Variants in PACRG observed in about 807,000 individuals in gnomAD.
The protein encoded by PACRG is parkin coregulated gene protein.
A neutral mutation model predicts 29.7 loss-of-function variants in PACRG; 29 were observed. That is an observed-to-expected ratio of 0.98 (90% CI 0.73 to 1.33). The LOEUF (loss-of-function observed/expected upper bound fraction) is 1.33, where lower values mean the gene tolerates loss of function less well. Among genes scored for constraint, PACRG ranks in the 40% most tolerant of loss-of-function variants. PACRG has a pLI of 0.00. For missense variants in PACRG, 279 were observed against 316.2 expected (o/e 0.88, Z 0.89); for synonymous variants, 116 against 118.7 (o/e 0.98, Z 0.15).
chr6:163,309,635 A>C (rs1785330821), intron 4 of PACRG, among the ~76,000 whole-genome samples: 1 of 152,212 alleles, frequency 6.6e-6, no homozygotes, highest in South Asian at 2.1e-4. Context: ...TGATTCACTC[A>C]GGTGGTTTTT....
intron 4 of PACRG, chr6:163,101,255 A>G (rs561670936): frequency 1.0e-6 from 1 of 981,580 alleles, no homozygotes; most frequent in African/African-American, 1.7e-5. Context: ...GAATTTAAAA[A>G]ACAAGATGTA....
intron 2 of PACRG, among the ~76,000 whole-genome samples, chr6:162,954,721 A>T (rs1484384796): frequency 1.3e-5 from 2 of 152,162 alleles, no homozygotes; most frequent in Admixed American, 1.3e-4. Flanking sequence ...TGAAAACCTC[A>T]TGTCAAGTAG....
chr6:163,297,373 A>C (rs1232732594), intron 4 of PACRG, among the ~76,000 whole-genome samples: 1 of 152,224 alleles, frequency 6.6e-6, no homozygotes, highest in Non-Finnish European at 1.5e-5. Flanking sequence ...CACTGTCCCT[A>C]GCCTGAAGAT....
At chr6:162,948,669 A>G (rs1039140590) in intron 2 of PACRG, among the ~76,000 whole-genome samples, 7 of 152,152 alleles carry the variant, frequency 4.6e-5, no homozygotes, top group African/African-American at 1.7e-4. Context: ...AGAACATGCA[A>G]GAAACTCACA....
intron 2 of PACRG, among the ~76,000 whole-genome samples, chr6:163,026,793 G>A (rs1444892179): frequency 6.6e-6 from 1 of 152,222 alleles, no homozygotes; most frequent in Non-Finnish European, 1.5e-5. Flanking sequence ...TTTCATAGCT[G>A]GAAACTTCAG....
chr6:162,927,656 A>G (rs987010215), intron 2 of PACRG, among the ~76,000 whole-genome samples: 2 of 152,124 alleles, frequency 1.3e-5, no homozygotes, highest in Admixed American at 1.3e-4. Flanking sequence ...CAGAGGAGGG[A>G]GAGCATCAGG....
chr6:162,901,228 T>C (rs1412231637), intron 2 of PACRG, among the ~76,000 whole-genome samples: 1 of 152,134 alleles, frequency 6.6e-6, no homozygotes, highest in Non-Finnish European at 1.5e-5. Context: ...CCGAAGCAGG[T>C]ATATATTGGT....
chr6:162,806,727 T>A lies in PACRG; in HGVS notation c.157-7420T>A, dbSNP rs144566597. On this transcript the variant is annotated intron_variant, in intron 1 of 4. Transcript: ENST00000366888. Reference sequence around the variant, plus strand: ...ACAGGAAGCATAGATTTTGCCTCATTATTAAGGGCTCTAGAACTTTTTAAG... The same window carrying A: ...ACAGGAAGCATAGATTTTGCCTCATAATTAAGGGCTCTAGAACTTTTTAAG... 4.9e-3 allele frequency among the ~76,000 whole-genome samples: 752 copies of A among 152,278 alleles called. 4 individuals are homozygous for A. Among genetic ancestry groups the A allele is most frequent in the African/African-American group, 0.017 (707 of 41,566 alleles).
chr6:163,216,671 G>A (rs1354184897), intron 4 of PACRG, among the ~76,000 whole-genome samples: 6 of 152,170 alleles, frequency 3.9e-5, no homozygotes, highest in Admixed American at 1.3e-4. Flanking sequence ...ACACACATGC[G>A]TGTGCATACA....
At chr6:162,822,368 C>T (rs1787916488) in intron 2 of PACRG, among the ~76,000 whole-genome samples, 1 of 152,146 alleles carries the variant, frequency 6.6e-6, no homozygotes, top group Admixed American at 6.5e-5. Context: ...CCTTTGTGAG[C>T]ATGTCATTAC....
At chr6:163,178,029 G>A (rs1779470273) in intron 4 of PACRG, among the ~76,000 whole-genome samples, 1 of 152,098 alleles carries the variant, frequency 6.6e-6, no homozygotes, top group African/African-American at 2.4e-5. Context: ...ACAGAACAAG[G>A]AGTGTTCCCA....
At chr6:162,783,091 G>A (rs549961276) in intron 1 of PACRG, among the ~76,000 whole-genome samples, 45 of 151,778 alleles carry the variant, frequency 3.0e-4, no homozygotes, top group Admixed American at 2.6e-4. Context: ...AGAAATAACC[G>A]CTCATCCTTT....
At chr6:163,303,120 G>A (rs964103610) in intron 4 of PACRG, among the ~76,000 whole-genome samples, 1 of 152,068 alleles carries the variant, frequency 6.6e-6, no homozygotes, top group Non-Finnish European at 1.5e-5. Context: ...GACTTAAGTC[G>A]AGACGTTCGA....
intron 2 of PACRG, among the ~76,000 whole-genome samples, chr6:162,858,171 A>G (rs541442253): frequency 6.6e-6 from 1 of 152,174 alleles, no homozygotes; most frequent in Non-Finnish European, 1.5e-5. Flanking sequence ...CATAATTTCT[A>G]AACAAAAGAG....
At chr6:162,908,307 T>G (rs540694478) in intron 2 of PACRG, among the ~76,000 whole-genome samples, 72 of 152,370 alleles carry the variant, frequency 4.7e-4, no homozygotes, top group Non-Finnish European at 7.8e-4. Flanking sequence ...TTCAAAAGCA[T>G]GCATTTCTGC....
chr6:162,987,276 T>C (rs1802984712), intron 2 of PACRG, among the ~76,000 whole-genome samples: 1 of 152,124 alleles, frequency 6.6e-6, no homozygotes, highest in South Asian at 2.1e-4. Context: ...ATTGCATTGA[T>C]TGTTATTGCT....
At chr6:162,986,199 A>G (rs142937784) in intron 2 of PACRG, among the ~76,000 whole-genome samples, 4 of 152,128 alleles carry the variant, frequency 2.6e-5, no homozygotes, top group African/African-American at 9.7e-5. Flanking sequence ...TCTTTACAGA[A>G]CTAGAAAAAA....
intron 4 of PACRG, among the ~76,000 whole-genome samples, chr6:163,162,788 A>T (rs1483306429): frequency 6.6e-6 from 1 of 152,240 alleles, no homozygotes; most frequent in African/African-American, 2.4e-5. Context: ...AGAGCTGGCA[A>T]GAGCTGGCCA....
intron 2 of PACRG, among the ~76,000 whole-genome samples, chr6:163,003,811 G>A (rs1804794133): frequency 1.3e-5 from 2 of 152,104 alleles, no homozygotes; most frequent in Admixed American, 1.3e-4. Context: ...TAATCCTCTC[G>A]ATAATTATTT....
Sources: gnomAD v4.1 joint callset for allele counts (sites outside exome capture counted in the v4.1 genomes callset) on GRCh38, gnomAD v4.1.1 for gene constraint, MANE v1.5 for transcripts, NCBI Gene and HGNC (gene_info 2026-07-23, HGNC 2026-07-21) for gene names.